Variants in SCAF11 observed in about 807,000 individuals in gnomAD.
SCAF11 encodes the protein protein SCAF11.
A neutral mutation model predicts 140.5 loss-of-function variants in SCAF11; 47 were observed. That is an observed-to-expected ratio of 0.33 (90% CI 0.26 to 0.43). The LOEUF (loss-of-function observed/expected upper bound fraction) is 0.43. SCAF11 is among the 20% of genes least tolerant of loss of function. The pLI is 1.00. For synonymous variants in SCAF11, 557 were observed against 579.4 expected (o/e 0.96, Z 0.55); for missense variants, 1,645 against 1,705.1 (o/e 0.96, Z 0.62).
chr12:45,939,584 G>C (rs781356313), intron 6 of SCAF11, among the ~76,000 whole-genome samples: 20 of 152,336 alleles, frequency 1.3e-4, no homozygotes, highest in Middle Eastern at 6.8e-3. Flanking sequence ...TGTAATCCCA[G>C]CTACTTGGGA....
chr12:45,952,232 C>G (rs1184139925), intron 3 of SCAF11, among the ~76,000 whole-genome samples: 1 of 152,146 alleles, frequency 6.6e-6, no homozygotes, highest in Non-Finnish European at 1.5e-5. Context: ...ACCTAGATGG[C>G]CACTCCAGAG....
Position 45,990,357 on chromosome 12 carries a change from G to T in SCAF11, c.-26C>A. ...CGCGGGTCGACCAGTGTTTACCTCA[G>T]ACCGAGGTCGAGGCGCTCGGTCCGG... On this transcript the variant is annotated 5_prime_UTR_variant, in exon 1 of 15. The change creates a new upstream start codon in the 5' untranslated region. Transcript: ENST00000369367. 1.6e-6 allele frequency: 2 copies of T among 1,232,050 alleles called. No homozygotes were observed. Among genetic ancestry groups the T allele is most frequent in the South Asian group, 8.2e-5 (2 of 24,296 alleles). 76.3% of individuals were successfully genotyped at this position (1,232,050 alleles called of 1,614,324 possible).
At chr12:45,991,824 A>C, upstream of SCAF11, 1 of 1,161,198 alleles carries the variant, frequency 8.6e-7, no homozygotes, top group Non-Finnish European at 1.1e-6. Context: ...CCTCCCACCC[A>C]CGCCCTTGTC....
intron 6 of SCAF11, among the ~76,000 whole-genome samples, chr12:45,939,121 T>C (rs2136541875): frequency 6.6e-6 from 1 of 151,698 alleles, no homozygotes; most frequent in South Asian, 2.1e-4. Context: ...CTAGACAGTT[T>C]ATATAATTTT....
At chr12:45,982,032 T>C (rs1472264567) in intron 1 of SCAF11, among the ~76,000 whole-genome samples, 1 of 152,236 alleles carries the variant, frequency 6.6e-6, no homozygotes, top group Non-Finnish European at 1.5e-5. Flanking sequence ...GGAATGGCTA[T>C]ATTAATATGA....
chr12:45,926,162 T>A lies in SCAF11; in HGVS notation c.3539A>T (p.Glu1180Val). 6.2e-7 allele frequency: 1 copy of A among 1,609,782 alleles called. No individual in the cohort carries two copies. Among genetic ancestry groups the A allele is most frequent in the Non-Finnish European group, 8.5e-7 (1 of 1,176,140 alleles). Reference sequence around the variant, plus strand: ...ATTACCCTGTCCAGATGTTTCCTCCTCTTGTTTCATCCATCCAGACTGTGG... The same window carrying A: ...ATTACCCTGTCCAGATGTTTCCTCCACTTGTTTCATCCATCCAGACTGTGG... Reference protein sequence around the residue: ...SGPQSGWMKQEEETSGQDSSL... With the variant: ...SGPQSGWMKQVEETSGQDSSL... The change falls in exon 11 of 15, where the codon GAG (glutamate) becomes GTG (valine). Residue 1180 changes from glutamate (E) to valine (V), a missense_variant. Physicochemically the swap from Glu to Val is moderately radical, Grantham distance 121. This residue lies in a region of SCAF11 where 1,582 missense variants were observed against 1,609.2 expected (regional missense o/e 0.98). Coordinates refer to ENST00000369367, the MANE Select transcript of SCAF11 (RefSeq NM_004719.3).
chr12:45,943,658 C>T (rs1945357594), intron 6 of SCAF11, among the ~76,000 whole-genome samples: 1 of 152,080 alleles, frequency 6.6e-6, no homozygotes, highest in South Asian at 2.1e-4. Context: ...TACCCAGTTC[C>T]CTTCAAATCA....
At chr12:45,939,944 C>A (rs1945257218) in intron 6 of SCAF11, among the ~76,000 whole-genome samples, 2 of 152,224 alleles carry the variant, frequency 1.3e-5, no homozygotes, top group Admixed American at 1.3e-4. Context: ...ACCTTCGTGA[C>A]TTTGTCTCTT....
chr12:45,930,445 G>GTTTTTTTTTTTTT (rs1262102132), intron 10 of SCAF11, among the ~76,000 whole-genome samples: 1 of 123,720 alleles, frequency 8.1e-6, no homozygotes, highest in African/African-American at 3.5e-5. Flanking sequence ...GTTGTGTTTT[G>GTTTTTTTTTTTTT]TTTTTTTTTT....
intron 14 of SCAF11, 134 bp downstream of exon 14, chr12:45,922,329 A>G (rs1944734458): frequency 4.8e-6 from 7 of 1,471,158 alleles, no homozygotes; most frequent in Non-Finnish European, 6.4e-6. Flanking sequence ...ACACAAACTA[A>G]TCAAAAGGCA....
In SCAF11 at chr12:45,990,206, C is replaced by G; in HGVS notation, c.-22+147G>C. On this transcript the variant is annotated intron_variant, in intron 1 of 14. Coordinates refer to ENST00000369367, the MANE Select transcript of SCAF11 (RefSeq NM_004719.3). ...CTCCAACTTTCCTCCCAGCGCACGA[C>G]GTCGCACGGGCCGCGCGAGATTCCG... The G allele has an allele frequency of 5.3e-6, 6 of 1,121,832 alleles. 1 individual carries two copies. In the South Asian group the frequency reaches 2.8e-4, roughly 52 times the overall value. The allele number at this position is 1,121,832 out of a possible 1,614,324, so 69.5% of individuals were successfully genotyped here.
rs756244682 is a variant in SCAF11 at position 45,927,462 on chromosome 12, T to C, written c.2239A>G (p.Asn747Asp). ...VNADLKQMNENSVTHCSENNM... is the reference protein window; with the variant it reads ...VNADLKQMNEDSVTHCSENNM... ...TTTTCAGAACAGTGTGTCACAGAATTTTCATTCATTTGTTTAAGATCAGCA... is the reference window on the plus strand; with the variant it reads ...TTTTCAGAACAGTGTGTCACAGAATCTTCATTCATTTGTTTAAGATCAGCA... The change falls in exon 11 of 15, where the codon AAT becomes GAT. Residue 747 changes from asparagine (N) to aspartate (D), a missense_variant. Around this residue, in one of 2 missense-constraint regions of SCAF11, gnomAD observed 1,582 missense variants for 1,609.2 expected, o/e 0.98. Coordinates refer to ENST00000369367, the MANE Select transcript of SCAF11 (RefSeq NM_004719.3). 25 of 1,613,290 alleles carry C rather than the reference T, an allele frequency of 1.5e-5. No homozygotes were observed. Among genetic ancestry groups the C allele is most frequent in the Non-Finnish European group, 2.1e-5 (25 of 1,179,892 alleles).
rs1944898751 is a variant in SCAF11 at position 45,927,239 on chromosome 12, C to A, written c.2462G>T (p.Arg821Ile). ...KKRPQSPSPRRETGKESRKSQ... is the reference protein window; with the variant it reads ...KKRPQSPSPRIETGKESRKSQ... ...CTTCCTGCTTTCTTTCCCAGTTTCTCTTCTGGGAGATGGAGACTGGGGCCG... is the reference window on the plus strand; with the variant it reads ...CTTCCTGCTTTCTTTCCCAGTTTCTATTCTGGGAGATGGAGACTGGGGCCG... Residue 821 changes from arginine (R) to isoleucine (I), a missense_variant, in exon 11 of 15, where the codon AGA (arginine) becomes ATA (isoleucine). Arg to Ile is a moderately conservative substitution (Grantham distance 97). Coordinates refer to ENST00000369367, the MANE Select transcript of SCAF11 (RefSeq NM_004719.3). 1 of 1,614,104 alleles carries A rather than the reference C, an allele frequency of 6.2e-7. No individual in the cohort carries two copies. The highest frequency in any genetic ancestry group is 2.2e-5 in the East Asian group (1 of 44,882).
At position 45,923,039 on chromosome 12, in the gene SCAF11, G is replaced by T; in HGVS notation, c.4022C>A (p.Ser1341Ter). 2 of 1,614,134 alleles carry T rather than the reference G, an allele frequency of 1.2e-6. No homozygotes were observed. The highest frequency in any genetic ancestry group is 1.7e-6 in the Non-Finnish European group (2 of 1,180,002). Residue 1341 changes from serine to a stop codon, truncating the protein, a stop_gained, in exon 13 of 15, where the codon TCG becomes TAG. Coordinates refer to ENST00000369367, the MANE Select transcript of SCAF11 (RefSeq NM_004719.3). LOFTEE classifies it high-confidence loss of function. ...AGAGGCTTTGCTGTGACTTGATGAC[G>T]AAGTATTACCAGAACTTGGTCCCTG... Reference protein sequence around the residue: ...MVQGPSSGNTSSSSHSKASNA... With the variant: ...MVQGPSSGNT
At position 45,990,486 on chromosome 12, in the gene SCAF11, C is replaced by CT; in HGVS notation, c.-156dup. 8.1e-7 allele frequency: 1 copy of CT among 1,231,026 alleles called. No individual in the cohort carries two copies. The highest frequency in any genetic ancestry group is 4.2e-5 in the Admixed American group (1 of 23,690). The allele number at this position is 1,231,026 out of a possible 1,614,324, so 76.3% of individuals were successfully genotyped here. On this transcript the variant is annotated 5_prime_UTR_variant, in exon 1 of 15. Coordinates refer to ENST00000369367, the MANE Select transcript of SCAF11 (RefSeq NM_004719.3). ...GTGGTGTTACAGGGTCTCTAGGACA[C>CT]TGACTCCGCTGGCTCGGTCCGGAGG...
intron 3 of SCAF11, among the ~76,000 whole-genome samples, chr12:45,959,373 G>A (rs139518332): frequency 3.3e-5 from 5 of 152,070 alleles, no homozygotes; most frequent in African/African-American, 1.2e-4. Context: ...CTTAAAAATC[G>A]TAAGTTTAGA....
chr12:45,933,279 T>A, intron 8 of SCAF11, 47 bp from the exon 9 acceptor site: 1 of 1,380,688 alleles, frequency 7.2e-7, no homozygotes, highest in Non-Finnish European at 1.0e-6. Context: ...CAATTTTAGG[T>A]TCAAAAAAAC....
chr12:45,963,286 T>G (rs1197325237), intron 2 of SCAF11, among the ~76,000 whole-genome samples: 1 of 151,926 alleles, frequency 6.6e-6, no homozygotes, highest in African/African-American at 2.4e-5. Context: ...AAATAATCCA[T>G]GCCTAGAAAC....
intron 1 of SCAF11, among the ~76,000 whole-genome samples, chr12:45,989,822 GTAAAGTTTGGTTTCACTAGCGGGC>G (rs1946547328): frequency 6.7e-6 from 1 of 149,652 alleles, no homozygotes; most frequent in Non-Finnish European, 1.5e-5. Flanking sequence ...TCACGGCGTA[GTAAAGTTTGGTTTCACTAGCGGGC>G]TTGGACGCTC....
Sources: gnomAD v4.1 joint callset for allele counts (sites outside exome capture counted in the v4.1 genomes callset) on GRCh38, gnomAD v4.1.1 for gene constraint, gnomAD v4.1.1 regional missense constraint, MANE v1.5 for transcripts, NCBI Gene and HGNC (gene_info 2026-07-23, HGNC 2026-07-21) for gene names.